NRG3: variants seen among roughly 807,000 people sequenced by gnomAD.
The protein encoded by NRG3 is neuregulin 3.
A neutral mutation model predicts 66.9 loss-of-function variants in NRG3; 31 were observed. The ratio of observed to expected loss-of-function variants is 0.46; its 90% CI spans 0.35 to 0.63. The LOEUF is 0.63. Among genes scored for constraint, NRG3 ranks in the 20% least tolerant of loss-of-function variants. The probability of loss-of-function intolerance (pLI) is 0.00; values close to 1 mark genes in which losing one functional copy is unlikely to be tolerated. For synonymous variants in NRG3, 393 were observed against 359.4 expected (o/e 1.09, Z -1.06); for missense variants, 910 against 878.9 (o/e 1.04, Z -0.45).
At chr10:82,698,933 T>C (rs573204879) in intron 2 of NRG3, among the ~76,000 whole-genome samples, 23 of 152,312 alleles carry the variant, frequency 1.5e-4, no homozygotes, top group Admixed American at 7.2e-4. Flanking sequence ...AATATTTACA[T>C]TGTTTAAAAA....
At chr10:82,311,430 A>G (rs1261353298) in intron 1 of NRG3, among the ~76,000 whole-genome samples, 2 of 152,212 alleles carry the variant, frequency 1.3e-5, no homozygotes, top group East Asian at 3.8e-4. Context: ...ATAGTGACAA[A>G]TCAAGTCAAT....
At chr10:82,614,874 G>A (rs893843567) in intron 2 of NRG3, among the ~76,000 whole-genome samples, 2 of 151,692 alleles carry the variant, frequency 1.3e-5, no homozygotes, top group Non-Finnish European at 2.9e-5. Flanking sequence ...AGTAGTTTAG[G>A]TGCATACCTA....
intron 2 of NRG3, among the ~76,000 whole-genome samples, chr10:82,722,003 T>G (rs2057348682): frequency 6.6e-6 from 1 of 151,840 alleles, no homozygotes; most frequent in Non-Finnish European, 1.5e-5. Context: ...CCAGTTGAAT[T>G]GTGCTGACTG....
intron 3 of NRG3, among the ~76,000 whole-genome samples, chr10:82,834,952 C>T (rs1002920914): frequency 2.6e-5 from 4 of 152,164 alleles, no homozygotes; most frequent in Admixed American, 2.0e-4. Flanking sequence ...TCCTTCATTT[C>T]CAGATGTGTT....
At chr10:81,936,716 A>G (rs150252657) in intron 1 of NRG3, among the ~76,000 whole-genome samples, 42 of 152,262 alleles carry the variant, frequency 2.8e-4, no homozygotes, top group Non-Finnish European at 5.6e-4. Context: ...TAGTCAGGGT[A>G]TGGGCCTTGC....
intron 1 of NRG3, among the ~76,000 whole-genome samples, chr10:82,308,188 CAG>C (rs953489324): frequency 5.9e-5 from 9 of 152,122 alleles, no homozygotes; most frequent in Admixed American, 1.3e-4. Flanking sequence ...CTGATTGAGA[CAG>C]AGTCTCCCTC....
Position 82,959,066 on chromosome 10 carries a change from G to A in NRG3, c.1275G>A (p.Gln425=), listed in dbSNP as rs112782181. The change falls in exon 6 of 9, where the codon CAG becomes CAA. Residue 425 remains glutamine (Q), a synonymous_variant. Transcript: ENST00000372141. ...AGAACTTGGTGAAGAGCCATGTCCA[G>A]CTGCAAAATGTAAGTGACATGTCTA... is the stretch of plus-strand genomic sequence containing the variant. ...KSENLVKSHV[Q]LQNYSKVERH... The A allele has an allele frequency of 1.3e-6, 2 of 1,598,406 alleles. No homozygotes were observed. Among genetic ancestry groups the A allele is most frequent in the South Asian group, 1.1e-5 (1 of 88,056 alleles).
intron 1 of NRG3, among the ~76,000 whole-genome samples, chr10:81,997,585 A>G (rs969432285): frequency 1.3e-5 from 2 of 152,108 alleles, no homozygotes; most frequent in Admixed American, 6.6e-5. Context: ...TGTCTTTGGT[A>G]TGACACCTAA....
At chr10:82,201,987 T>A (rs976835837) in intron 1 of NRG3, among the ~76,000 whole-genome samples, 1 of 152,116 alleles carries the variant, frequency 6.6e-6, no homozygotes, top group Non-Finnish European at 1.5e-5. Context: ...CCCATCAAAA[T>A]AGTAGTAATC....
intron 1 of NRG3, among the ~76,000 whole-genome samples, chr10:82,339,724 A>G (rs1157952137): frequency 6.6e-6 from 1 of 152,072 alleles, no homozygotes; most frequent in African/African-American, 2.4e-5. Context: ...TTTGACTTTT[A>G]ATATATTTCT....
chr10:82,347,199 C>T (rs1201002360), intron 1 of NRG3, among the ~76,000 whole-genome samples: 1 of 146,954 alleles, frequency 6.8e-6, no homozygotes, highest in Non-Finnish European at 1.5e-5. Flanking sequence ...CTCTTGTGGG[C>T]ATTTAGTGCT....
intron 1 of NRG3, chr10:82,166,758 C>T: frequency 1.5e-6 from 1 of 672,510 alleles, no homozygotes; most frequent in Non-Finnish European, 2.7e-6. Flanking sequence ...TATTTTCCTT[C>T]TGCCTGGAGG....
intron 4 of NRG3, among the ~76,000 whole-genome samples, chr10:82,931,353 G>A (rs1847559595): frequency 1.3e-5 from 2 of 152,278 alleles, no homozygotes; most frequent in South Asian, 2.1e-4. Context: ...AGGTAATGAA[G>A]CAAGACATGC....
chr10:82,867,327 C>A (rs1293854246), intron 4 of NRG3, among the ~76,000 whole-genome samples: 1 of 152,082 alleles, frequency 6.6e-6, no homozygotes, highest in African/African-American at 2.4e-5. Flanking sequence ...TGATGCATAC[C>A]CAATGCTTAA....
intron 1 of NRG3, among the ~76,000 whole-genome samples, chr10:82,288,529 G>A (rs2079547564): frequency 1.3e-5 from 2 of 152,192 alleles, no homozygotes; most frequent in South Asian, 4.1e-4. Flanking sequence ...GCTGTGCCGT[G>A]TGGGATGTGT....
chr10:82,183,226 CTCTA>C (rs1005013882), intron 1 of NRG3, among the ~76,000 whole-genome samples: 4 of 151,364 alleles, frequency 2.6e-5, no homozygotes, highest in African/African-American at 7.3e-5. Flanking sequence ...TTTCTTTTCT[CTCTA>C]TCTCTTTCCT....
At chr10:81,881,168 C>T (rs1271331553) in intron 1 of NRG3, among the ~76,000 whole-genome samples, 1 of 150,430 alleles carries the variant, frequency 6.6e-6, no homozygotes. Flanking sequence ...TCCTTTCAGG[C>T]TTTTGTGTTT....
At chr10:82,556,531 G>A (rs1361992885) in intron 2 of NRG3, among the ~76,000 whole-genome samples, 1 of 152,092 alleles carries the variant, frequency 6.6e-6, no homozygotes, top group Non-Finnish European at 1.5e-5. Flanking sequence ...GCCGACCAAT[G>A]GCATCTGCCC....
At chr10:82,237,294 T>C (rs2076801575) in intron 1 of NRG3, among the ~76,000 whole-genome samples, 1 of 152,204 alleles carries the variant, frequency 6.6e-6, no homozygotes, top group African/African-American at 2.4e-5. Context: ...TTTCTGCCTC[T>C]GTTTGCAAAG....
Sources: allele counts gnomAD v4.1 joint callset (sites outside exome capture counted in the v4.1 genomes callset), GRCh38; gene constraint gnomAD v4.1.1; transcripts MANE v1.5; gene names NCBI Gene and HGNC (gene_info 2026-07-23, HGNC 2026-07-21).